The following DYM variants were observed in gnomAD, a reference collection of about 807,000 sequenced individuals.
DYM encodes dyggve-Melchior-Clausen syndrome protein.
Under a neutral mutation model 93.1 loss-of-function variants are expected in DYM, and 78 were observed. The ratio of observed to expected loss-of-function variants is 0.84; its 90% CI spans 0.70 to 1.01. DYM has a LOEUF of 1.01. DYM is among the 50% of genes least tolerant of loss of function. The pLI is 0.00. For missense variants in DYM, 789 were observed against 845.0 expected (o/e 0.93, Z 0.82); for synonymous variants, 321 against 319.7 (o/e 1.00, Z -0.04).
intron 5 of DYM, among the ~76,000 whole-genome samples, chr18:49,366,928 A>C (rs777894937): frequency 1.3e-5 from 2 of 152,170 alleles, no homozygotes; most frequent in Non-Finnish European, 2.9e-5. Context: ...CAGAAACCAG[A>C]TTGGAACTCA....
chr18:49,101,790 G>A (rs953973373), intron 16 of DYM, among the ~76,000 whole-genome samples: 1 of 152,118 alleles, frequency 6.6e-6, no homozygotes, highest in East Asian at 1.9e-4. Context: ...GAGCTCTCCC[G>A]AGGATTTACC....
intron 6 of DYM, among the ~76,000 whole-genome samples, chr18:49,358,656 TAAGA>T (rs1018212352): frequency 1.3e-5 from 2 of 152,094 alleles, no homozygotes; most frequent in Non-Finnish European, 2.9e-5. Flanking sequence ...CACAGGTTCA[TAAGA>T]AAGACCACAG....
At chr18:49,071,795 G>A (rs990401180) in intron 17 of DYM, among the ~76,000 whole-genome samples, 2 of 152,180 alleles carry the variant, frequency 1.3e-5, no homozygotes, top group African/African-American at 4.8e-5. Context: ...TATATTTAAT[G>A]GCAGGGAGAG....
intron 17 of DYM, among the ~76,000 whole-genome samples, chr18:49,079,262 C>T (rs946485851): frequency 6.6e-6 from 1 of 152,198 alleles, no homozygotes; most frequent in Admixed American, 6.5e-5. Context: ...TTGGTTCTAA[C>T]ATCTGGTTCG....
intron 1 of DYM, among the ~76,000 whole-genome samples, chr18:49,459,934 T>A (rs201026161): frequency 6.8e-6 from 1 of 147,666 alleles, no homozygotes; most frequent in African/African-American, 2.5e-5. Context: ...GGGCGGTGAT[T>A]AAAAATGCTC....
chr18:49,093,868 T>A (rs1163891230), intron 17 of DYM, among the ~76,000 whole-genome samples: 1 of 152,246 alleles, frequency 6.6e-6, no homozygotes, highest in African/African-American at 2.4e-5. Context: ...TTAGTTGATA[T>A]GATTTTTTAT....
chr18:49,411,342 G>A (rs1352984273), intron 2 of DYM, among the ~76,000 whole-genome samples: 1 of 152,072 alleles, frequency 6.6e-6, no homozygotes, highest in African/African-American at 2.4e-5. Context: ...CAAAAATTAT[G>A]TGAATTATAA....
chr18:49,344,580 A>C (rs1325506594), intron 6 of DYM, among the ~76,000 whole-genome samples: 2 of 152,222 alleles, frequency 1.3e-5, no homozygotes, highest in African/African-American at 4.8e-5. Context: ...GAAATCTATC[A>C]GGAAGAAGAG....
Position 49,446,775 on chromosome 18 carries a change from C to T in DYM, c.-54+13623G>A, listed in dbSNP as rs188240378. On this transcript the variant is annotated intron_variant, in intron 1 of 17. Transcript: ENST00000675505. ...AGAGTTCATACCATAAAAGTTAAGA[C>T]CAGCTGGGTGCAGTGGCTCACGCCT... 3.2e-3 allele frequency among the ~76,000 whole-genome samples: 484 copies of T among 152,088 alleles called. 2 individuals carry two copies. Among genetic ancestry groups the T allele is most frequent in the Non-Finnish European group, 5.5e-3 (372 of 67,974 alleles).
At chr18:49,297,393 G>A (rs2060628563) in intron 8 of DYM, among the ~76,000 whole-genome samples, 2 of 152,184 alleles carry the variant, frequency 1.3e-5, no homozygotes, top group Admixed American at 6.5e-5. Context: ...TAGAAGTTGG[G>A]ATAGTGATAT....
At chr18:49,187,327 C>T (rs2090543570) in intron 14 of DYM, among the ~76,000 whole-genome samples, 1 of 152,152 alleles carries the variant, frequency 6.6e-6, no homozygotes, top group Non-Finnish European at 1.5e-5. Context: ...TTGCCCAATT[C>T]TGAGTATCAA....
rs184439502 is a variant in DYM, at chr18:49,232,979, G to A, written c.1461-23264C>T. ...TCAGTAGATAAGGTATTTAGATGTT[G>A]TAAGAATTAAAGATCCATATAATAC... On this transcript the variant is annotated intron_variant, in intron 13 of 17. Transcript: ENST00000675505. 3.1e-3 allele frequency among the ~76,000 whole-genome samples: 478 copies of A among 152,260 alleles called. 4 individuals carry two copies. The highest frequency in any genetic ancestry group is 0.011 in the African/African-American group (443 of 41,552).
intron 2 of DYM, among the ~76,000 whole-genome samples, chr18:49,398,027 A>G (rs1482447971): frequency 6.6e-6 from 1 of 152,154 alleles, no homozygotes. Flanking sequence ...TCATATATAC[A>G]CACAAAGCTA....
intron 16 of DYM, among the ~76,000 whole-genome samples, chr18:49,110,299 T>C (rs935278695): frequency 1.3e-5 from 2 of 152,232 alleles, no homozygotes; most frequent in African/African-American, 4.8e-5. Context: ...TTTACCTTTA[T>C]TTTTGCTATT....
chr18:49,084,409 T>C (rs1422607910), intron 17 of DYM, among the ~76,000 whole-genome samples: 2 of 152,316 alleles, frequency 1.3e-5, no homozygotes, highest in Non-Finnish European at 2.9e-5. Flanking sequence ...CCATGTGTAC[T>C]TGAAAAGAAT....
At chr18:49,085,600 C>G (rs1451208254) in intron 17 of DYM, among the ~76,000 whole-genome samples, 1 of 109,478 alleles carries the variant, frequency 9.1e-6, no homozygotes, top group African/African-American at 3.0e-5. Context: ...ATAAGGACAA[C>G]TGGTCCTTTT....
chr18:49,430,547 T>C, intron 1 of DYM, 100 bp from the exon 2 acceptor site: 1 of 924,040 alleles, frequency 1.1e-6, no homozygotes, highest in South Asian at 1.6e-5. Context: ...AATCACACAT[T>C]TCTGTATTTA....
At chr18:49,270,835 T>C (rs2094678403) in intron 11 of DYM, among the ~76,000 whole-genome samples, 1 of 152,026 alleles carries the variant, frequency 6.6e-6, no homozygotes. Flanking sequence ...GGAGTAAATA[T>C]AATATAAAAG....
At chr18:49,113,281 C>T (rs545446066) in intron 16 of DYM, among the ~76,000 whole-genome samples, 1 of 152,238 alleles carries the variant, frequency 6.6e-6, no homozygotes, top group Non-Finnish European at 1.5e-5. Context: ...TGCATCTGTC[C>T]TCTACTCATA....
Sources: gnomAD v4.1 joint callset for allele counts (sites outside exome capture counted in the v4.1 genomes callset) on GRCh38, gnomAD v4.1.1 for gene constraint, MANE v1.5 for transcripts, NCBI Gene and HGNC (gene_info 2026-07-23, HGNC 2026-07-21) for gene names.